CDH26: variants seen among roughly 807,000 people sequenced by gnomAD.
CDH26 encodes the protein cadherin-like protein 26.
A neutral mutation model predicts 90.3 loss-of-function variants in CDH26; 83 were observed. The observed-to-expected ratio is 0.92, with a 90% CI of 0.77 to 1.10. The LOEUF is 1.10. CDH26 is among the 50% of genes least tolerant of loss of function. The pLI is 0.00. For missense variants in CDH26, 1,013 were observed against 1,037.6 expected, an observed-to-expected ratio of 0.98 and a Z score of 0.33; for synonymous variants, 397 against 396.3, an observed-to-expected ratio of 1.00 and a Z score of -0.02.
At chr20:60,022,487 A>G (rs2061965670) in intron 7 of CDH26, among the ~76,000 whole-genome samples, 1 of 152,236 alleles carries the variant, frequency 6.6e-6, no homozygotes, top group Non-Finnish European at 1.5e-5. Context: ...ATGATTTACT[A>G]AACACAGCAG....
At chr20:60,006,967 C>T (rs1464226424) in intron 17 of CDH26, among the ~76,000 whole-genome samples, 180 bp downstream of exon 17, 1 of 152,180 alleles carries the variant, frequency 6.6e-6, no homozygotes, top group Non-Finnish European at 1.5e-5. Flanking sequence ...CCTCATGTTT[C>T]TGCAGGCTAG....
chr20:59,993,309 T>C (rs1448072075), intron 10 of CDH26, among the ~76,000 whole-genome samples: 1 of 152,226 alleles, frequency 6.6e-6, no homozygotes, highest in African/African-American at 2.4e-5. Flanking sequence ...CAAGTGGTTT[T>C]TGGTTACGTA....
intron 17 of CDH26, among the ~76,000 whole-genome samples, chr20:60,012,325 C>T (rs1047324254): frequency 3.3e-5 from 5 of 152,122 alleles, no homozygotes; most frequent in Non-Finnish European, 1.5e-5. Context: ...TGTCACAGTT[C>T]CCTCTCAGAC....
chr20:59,970,259 T>G, intron 3 of CDH26, 73 bp downstream of exon 3: 1 of 1,571,780 alleles, frequency 6.4e-7, no homozygotes, highest in Non-Finnish European at 8.6e-7. Flanking sequence ...CCAGGAAGAT[T>G]AAGTCTTGAA....
At chr20:59,980,300 C>CTT (rs111703680) in intron 4 of CDH26, among the ~76,000 whole-genome samples, 3,514 of 146,576 alleles carry the variant, frequency 0.024, 148 homozygotes, top group African/African-American at 0.083. Context: ...TTGTTTTTGT[C>CTT]TTTTTTTTTT....
At chr20:60,029,967 G>A (rs1489302072) in intron 7 of CDH26, among the ~76,000 whole-genome samples, 1 of 152,126 alleles carries the variant, frequency 6.6e-6, no homozygotes, top group Admixed American at 6.5e-5. Flanking sequence ...TAAAAGCAAA[G>A]GAACACATGG....
At chr20:60,028,920 G>A (rs556660385) in intron 7 of CDH26, among the ~76,000 whole-genome samples, 2 of 152,244 alleles carry the variant, frequency 1.3e-5, no homozygotes, top group East Asian at 3.9e-4. Flanking sequence ...CCCATGGTGT[G>A]GAAAAAACCT....
chr20:59,984,729 C>T lies in CDH26; in HGVS notation c.632C>T (p.Pro211Leu). Residue 211 changes from proline (P) to leucine (L), a missense_variant, in exon 6 of 18, where the codon CCA (proline) becomes CTA (leucine). Physicochemically the swap from Pro to Leu is moderately conservative, Grantham distance 98 (BLOSUM62 -3). Coordinates refer to ENST00000348616, the MANE Select transcript of CDH26 (RefSeq NM_177980.4). ...CTTTACTTCCTCATTTCTCAAACAC[C>T]ATTACTGAAAGAAAGTGGTTTCCGG... ...QVLYFLISQT[P>L]LLKESGFRVD... 1.2e-6 allele frequency: 2 copies of T among 1,613,914 alleles called. No homozygotes were observed. Among genetic ancestry groups the T allele is most frequent in the Non-Finnish European group, 1.7e-6 (2 of 1,179,888 alleles).
chr20:59,976,967 G>C (rs1232628672), intron 4 of CDH26, among the ~76,000 whole-genome samples: 4 of 152,172 alleles, frequency 2.6e-5, no homozygotes, highest in African/African-American at 7.2e-5. Flanking sequence ...CCTGGGCACT[G>C]AGTAGCCATA....
intron 10 of CDH26, among the ~76,000 whole-genome samples, chr20:59,993,292 T>TG (rs1456484670): frequency 2.0e-5 from 3 of 152,216 alleles, no homozygotes; most frequent in Non-Finnish European, 2.9e-5. Flanking sequence ...CAAAAGCTTT[T>TG]GGGGTACAAG....
chr20:59,992,982 A>T lies in CDH26; in HGVS notation c.1426+462A>T, dbSNP rs562995405. Among the ~76,000 whole-genome samples, 7 of 152,318 alleles carry T rather than the reference A, an allele frequency of 4.6e-5. 1 individual carries two copies. The South Asian group carries it at 1.4e-3, about 32-fold the overall frequency. The stretch of plus-strand genomic sequence containing the variant: ...TTTCTCTACACTCTCCTAAGGCTGA[A>T]ACTTTAAACACACCAAAGCAGAGTT... On this transcript the variant is annotated intron_variant, in intron 10 of 17. Coordinates refer to ENST00000348616, the MANE Select transcript of CDH26 (RefSeq NM_177980.4). This position sits in a 1 kb window ranked among gnomAD's most constrained non-coding sequence, Gnocchi z 5.0.
At chr20:59,972,411 G>A (rs1408831979) in intron 4 of CDH26, among the ~76,000 whole-genome samples, 1 of 152,124 alleles carries the variant, frequency 6.6e-6, no homozygotes, top group Admixed American at 6.5e-5. Context: ...TGGGTATAGG[G>A]TCACAGAATG....
intron 9 of CDH26, 146 bp downstream of exon 9, chr20:59,989,309 A>T: frequency 1.0e-6 from 1 of 999,442 alleles, no homozygotes; most frequent in East Asian, 2.5e-5. Context: ...CGGGTGGATC[A>T]TGAGGTCAAG....
intron 17 of CDH26, among the ~76,000 whole-genome samples, chr20:60,009,882 C>T (rs182933949): frequency 1.4e-4 from 22 of 152,224 alleles, no homozygotes; most frequent in South Asian, 2.1e-4. Flanking sequence ...GGACGTGAAC[C>T]GACTCCTAAC....
intron 14 of CDH26, among the ~76,000 whole-genome samples, chr20:60,001,052 C>T (rs977342544): frequency 8.5e-5 from 13 of 152,172 alleles, no homozygotes; most frequent in Non-Finnish European, 1.6e-4. Context: ...ATGTCATCTG[C>T]GTGTCTATGC....
intron 9 of CDH26, among the ~76,000 whole-genome samples, chr20:59,989,460 G>A (rs1235692536): frequency 4.0e-5 from 6 of 151,092 alleles, no homozygotes; most frequent in Non-Finnish European, 5.9e-5. Context: ...CCCGGGAAGC[G>A]GAGCTTGCAG....
chr20:59,963,935 T>C (rs1488090653), intron 1 of CDH26, among the ~76,000 whole-genome samples: 1 of 152,076 alleles, frequency 6.6e-6, no homozygotes, highest in African/African-American at 2.4e-5. Flanking sequence ...CTTTCAAGCC[T>C]GCCACAGACC....
rs750047284 is a variant in CDH26, at chr20:59,994,311, C to A, written c.1488C>A (p.Asn496Lys). 6.2e-7 allele frequency: 1 copy of A among 1,613,860 alleles called. No homozygotes were observed. The highest frequency in any genetic ancestry group is 2.2e-5 in the East Asian group (1 of 44,870). The change falls in exon 11 of 18, where the codon AAC (asparagine) becomes AAA (lysine). Residue 496 changes from asparagine to lysine, a missense_variant. Physicochemically the swap from Asn to Lys is moderately conservative, Grantham distance 94. Transcript: ENST00000348616. ...TCTTCCTGTCTGACATCAATGACAA[C>A]GTCCCGACTCTCCGGCCACGTTCCC... ...LMLFLSDIND[N>K]VPTLRPRSRY...
chr20:59,977,921 C>T (rs1397695032), intron 4 of CDH26, among the ~76,000 whole-genome samples: 3 of 152,188 alleles, frequency 2.0e-5, no homozygotes, highest in Non-Finnish European at 4.4e-5. Context: ...TGCCCATTCA[C>T]CCCTCCCTAC....
Sources: gnomAD v4.1 joint callset for allele counts (sites outside exome capture counted in the v4.1 genomes callset) on GRCh38, gnomAD v4.1.1 for gene constraint, Gnocchi (gnomAD v3.1) non-coding constraint, MANE v1.5 for transcripts, NCBI Gene and HGNC (gene_info 2026-07-23, HGNC 2026-07-21) for gene names.